The following HMGA2 variants were observed in gnomAD, a reference collection of about 807,000 sequenced individuals.
HMGA2 encodes high mobility group AT-hook 2.
Under a neutral mutation model 19.1 loss-of-function variants are expected in HMGA2, and 8 were observed. The observed-to-expected ratio is 0.42, with a 90% CI of 0.25 to 0.76. The LOEUF (loss-of-function observed/expected upper bound fraction) is 0.76, where lower values mean the gene tolerates loss of function less well. Among genes scored for constraint, HMGA2 ranks in the 30% least tolerant of loss-of-function variants. The pLI is 0.28. For synonymous variants in HMGA2, 60 were observed against 48.8 expected (o/e 1.23, Z -0.96); for missense variants, 109 against 136.3 (o/e 0.80, Z 1.00).
chr12:65,848,598 T>C (rs1592383767), intron 3 of HMGA2, among the ~76,000 whole-genome samples: 2 of 152,310 alleles, frequency 1.3e-5, no homozygotes, highest in African/African-American at 4.8e-5. Flanking sequence ...GGCTCACGCC[T>C]GTAATCCCAG....
rs1264150696 is a variant in HMGA2, at chr12:65,964,335, CTCTCTT to C, written c.*1044_*1049del. ...AATCTCTCTCTGTGTCTTTCTCTCT[CTCTCTT>C]CCTCTCCCTCTCTCTTTTCATTGTG... On this transcript the variant is annotated 3_prime_UTR_variant, in exon 5 of 5. Transcript: ENST00000403681. 1.1e-4 allele frequency: 23 copies of C among 210,566 alleles called. No homozygotes were observed. The highest frequency in any genetic ancestry group is 5.3e-4 in the African/African-American group (23 of 43,262). The allele number at this position is 210,566 out of a possible 1,614,324, so 13.0% of individuals were successfully genotyped here. A position where few individuals can be genotyped will look rare whatever the true frequency, so the allele number is the denominator to read the frequency against.
chr12:65,938,300 T>A (rs1250668102), intron 3 of HMGA2, among the ~76,000 whole-genome samples: 2 of 152,236 alleles, frequency 1.3e-5, no homozygotes, highest in Non-Finnish European at 2.9e-5. Context: ...CTTTTTGTTA[T>A]GTTAAGTAAA....
chr12:65,914,972 G>A, intron 3 of HMGA2: 1 of 1,574,892 alleles, frequency 6.3e-7, no homozygotes, highest in Non-Finnish European at 8.7e-7. Context: ...ATCGTGCCTG[G>A]TCTAAAAAAT....
At chr12:65,889,974 T>C (rs1873834641) in intron 3 of HMGA2, among the ~76,000 whole-genome samples, 1 of 152,168 alleles carries the variant, frequency 6.6e-6, no homozygotes, top group South Asian at 2.1e-4. Flanking sequence ...GCCATCTTCC[T>C]CCTAATTCTT....
chr12:65,825,413 C>T lies in HMGA2; in HGVS notation c.111+32C>T, dbSNP rs1450406526. The T allele has an allele frequency of 6.9e-6, 10 of 1,446,448 alleles. No homozygotes were observed. The highest frequency in any genetic ancestry group is 9.2e-6 in the Non-Finnish European group (10 of 1,084,100). The allele number at this position is 1,446,448 out of a possible 1,614,324, so 89.6% of individuals were successfully genotyped here. On this transcript the variant is annotated intron_variant, in intron 1 of 4. Coordinates refer to ENST00000403681, the MANE Select transcript of HMGA2 (RefSeq NM_003483.6). This position sits in a 1 kb window ranked among gnomAD's most constrained non-coding sequence, Gnocchi z 4.4. ...ACGAGGGCGCGGTGGGGGCACCAGC[C>T]CACCCCGTCCCCACTGCCGGGGCCC...
In HMGA2 at chr12:65,844,050, C is replaced by CAAAA. The variant is rs3048828; in HGVS notation, c.249+5497_249+5500dup. On this transcript the variant is annotated intron_variant, in intron 3 of 4. Coordinates refer to ENST00000403681, the MANE Select transcript of HMGA2 (RefSeq NM_003483.6). ...TGGGCAACAGAGCAAGACTCCATCT[C>CAAAA]AAAAAAAAAAAAAAAAAAAGAAATA... is the stretch of plus-strand genomic sequence containing the variant. Among the ~76,000 whole-genome samples the CAAAA allele has an allele frequency of 2.2e-3, 176 of 79,734 alleles. 2 individuals carry two copies. Among genetic ancestry groups the CAAAA allele is most frequent in the African/African-American group, 6.2e-3 (167 of 26,760 alleles). 52.3% of individuals were successfully genotyped at this position (79,734 alleles called of 152,430 possible). A position where few individuals can be genotyped will look rare whatever the true frequency, so the allele number is the denominator to read the frequency against.
chr12:65,848,321 C>G (rs1012580768), intron 3 of HMGA2, among the ~76,000 whole-genome samples: 1 of 152,068 alleles, frequency 6.6e-6, no homozygotes, highest in African/African-American at 2.4e-5. Context: ...ATTTTAATGG[C>G]CTATTTGTGT....
rs540840214 is a variant in HMGA2, at chr12:65,879,423, C to T, written c.249+40854C>T. On this transcript the variant is annotated intron_variant, in intron 3 of 4. Coordinates refer to ENST00000403681, the MANE Select transcript of HMGA2 (RefSeq NM_003483.6). ...GGGATTACAGGTGTGAGCCACCATGCCTGGCAATAAAGCACTTTTAACTAA... is the reference window on the plus strand; with the variant it reads ...GGGATTACAGGTGTGAGCCACCATGTCTGGCAATAAAGCACTTTTAACTAA... Among the ~76,000 whole-genome samples the T allele has an allele frequency of 3.9e-5, 6 of 152,240 alleles. No homozygotes were observed. The East Asian group carries it at 1.2e-3, about 29-fold the overall frequency.
intron 3 of HMGA2, among the ~76,000 whole-genome samples, chr12:65,902,166 GTTT>G (rs374374733): frequency 6.7e-6 from 1 of 149,040 alleles, no homozygotes; most frequent in Non-Finnish European, 1.5e-5. Context: ...ACTTTTAAGA[GTTT>G]TTTTTTTCTT....
At position 65,825,034 on chromosome 12, in the gene HMGA2, C is replaced by A; in HGVS notation, c.-237C>A. On this transcript the variant is annotated 5_prime_UTR_variant, in exon 1 of 5. Transcript: ENST00000403681. The surrounding 1 kb of genome is among the most constrained non-coding windows in gnomAD (Gnocchi z 4.4). ...CCACCGCCGCCGCCGCCACCGGCAG[C>A]GCCTCCTCCTCTCCTCCTCCTCCTC... 1 of 436,012 alleles carries A rather than the reference C, an allele frequency of 2.3e-6. No homozygotes were observed. Among genetic ancestry groups the A allele is most frequent in the Non-Finnish European group, 4.1e-6 (1 of 245,746 alleles). The allele number at this position is 436,012 out of a possible 1,614,324, so 27.0% of individuals were successfully genotyped here.
intron 3 of HMGA2, among the ~76,000 whole-genome samples, chr12:65,885,582 A>G (rs958147382): frequency 1.3e-5 from 2 of 152,174 alleles, no homozygotes; most frequent in African/African-American, 4.8e-5. Context: ...TGGTGATAGC[A>G]TCTGGAATGT....
At chr12:65,896,017 A>T (rs1276916849) in intron 3 of HMGA2, among the ~76,000 whole-genome samples, 2 of 152,232 alleles carry the variant, frequency 1.3e-5, no homozygotes, top group Non-Finnish European at 2.9e-5. Context: ...GAAACTCAGC[A>T]GGACAAAGGA....
At chr12:65,958,507 C>G (rs1359881029) in intron 4 of HMGA2, 1 of 152,130 alleles carries the variant, frequency 6.6e-6, no homozygotes, top group Non-Finnish European at 1.5e-5. Context: ...AAATATCTGA[C>G]AGAGAAATAG....
At chr12:65,928,354 G>C (rs1181744149) in intron 3 of HMGA2, among the ~76,000 whole-genome samples, 13 of 152,186 alleles carry the variant, frequency 8.5e-5, no homozygotes, top group Admixed American at 8.5e-4. Context: ...TGCCAGACTG[G>C]AAGTTGTGGT....
rs945482196 is a variant in HMGA2 at position 65,841,156 on chromosome 12, GT to G, written c.249+2595del. Among the ~76,000 whole-genome samples, 8 of 152,132 alleles carry G rather than the reference GT, an allele frequency of 5.3e-5. No homozygotes were observed. In the South Asian group the frequency reaches 1.5e-3, roughly 28 times the overall value. On this transcript the variant is annotated intron_variant, in intron 3 of 4. Transcript: ENST00000403681. ...TATAGAGCAATTAAAGGATATATAT[GT>G]TTTTTTTCTTAACGGATTCTTGCTA...
chr12:65,865,146 G>A (rs1165073281), intron 3 of HMGA2, among the ~76,000 whole-genome samples: 1 of 152,286 alleles, frequency 6.6e-6, no homozygotes, highest in Non-Finnish European at 1.5e-5. Context: ...TAGTTTACAT[G>A]TAGTTTGTAA....
intron 3 of HMGA2, among the ~76,000 whole-genome samples, chr12:65,850,453 C>T (rs886598342): frequency 6.6e-6 from 1 of 151,672 alleles, no homozygotes; most frequent in Non-Finnish European, 1.5e-5. Context: ...ATGATCAATG[C>T]ACTTAGATTG....
chr12:65,838,384 T>TAA, intron 2 of HMGA2, 135 bp from the exon 3 acceptor site: 1 of 662,210 alleles, frequency 1.5e-6, no homozygotes. Context: ...CGAAGTTTGT[T>TAA]AAAAAAAACA....
intron 3 of HMGA2, among the ~76,000 whole-genome samples, chr12:65,840,741 C>T (rs1040499655): frequency 4.6e-5 from 7 of 152,220 alleles, no homozygotes; most frequent in South Asian, 2.1e-4. Context: ...ATAAGAAAGA[C>T]GTGTATAATC....
Sources: gnomAD v4.1 joint callset for allele counts (sites outside exome capture counted in the v4.1 genomes callset) on GRCh38, gnomAD v4.1.1 for gene constraint, Gnocchi (gnomAD v3.1) non-coding constraint, MANE v1.5 for transcripts, NCBI Gene and HGNC (gene_info 2026-07-23, HGNC 2026-07-21) for gene names.